The following TNR variants were observed in gnomAD, a reference collection of about 807,000 sequenced individuals.
TNR encodes tenascin R.
Under a neutral mutation model 150.4 loss-of-function variants are expected in TNR, and 45 were observed. The observed-to-expected ratio is 0.30, with a 90% CI of 0.24 to 0.38. TNR has a LOEUF of 0.38. Ranked by LOEUF, TNR falls within the 10% of genes least tolerant of loss-of-function variation. The pLI is 1.00. For synonymous variants in TNR, 687 were observed against 678.4 expected, an observed-to-expected ratio of 1.01 and a Z score of -0.20; for missense variants, 1,544 against 1,759.1, an observed-to-expected ratio of 0.88 and a Z score of 2.19.
chr1:175,478,237 A>C (rs1657634292), intron 2 of TNR, among the ~76,000 whole-genome samples: 1 of 152,242 alleles, frequency 6.6e-6, no homozygotes, highest in African/African-American at 2.4e-5. Context: ...TTTTCAAGTG[A>C]GAAAACTTGC....
chr1:175,536,024 C>T (rs187182861), intron 1 of TNR, among the ~76,000 whole-genome samples: 10 of 152,118 alleles, frequency 6.6e-5, no homozygotes, highest in Admixed American at 3.9e-4. Flanking sequence ...ATTGTTTAAG[C>T]TTATTACTAA....
chr1:175,453,499 G>A (rs1288347833), intron 2 of TNR, among the ~76,000 whole-genome samples: 2 of 152,026 alleles, frequency 1.3e-5, no homozygotes, highest in African/African-American at 2.4e-5. Flanking sequence ...GCCATGATGT[G>A]AGCTTAGGTT....
At chr1:175,541,891 C>T (rs1660513905) in intron 1 of TNR, among the ~76,000 whole-genome samples, 1 of 152,128 alleles carries the variant, frequency 6.6e-6, no homozygotes, top group East Asian at 1.9e-4. Context: ...TATGAAATTG[C>T]CAACGTTTGA....
chr1:175,711,458 G>A (rs137944729), intron 1 of TNR, among the ~76,000 whole-genome samples: 3 of 152,312 alleles, frequency 2.0e-5, no homozygotes, highest in East Asian at 1.9e-4. Flanking sequence ...GATGATAAGA[G>A]GCGTAATAGC....
chr1:175,741,168 C>G (rs1667917301), intron 1 of TNR, among the ~76,000 whole-genome samples: 1 of 152,226 alleles, frequency 6.6e-6, no homozygotes, highest in South Asian at 2.1e-4. Flanking sequence ...GGGAGCAATC[C>G]ATTCCTTCTC....
chr1:175,335,201 C>G (rs896760186), intron 20 of TNR: 1 of 152,682 alleles, frequency 6.5e-6, no homozygotes, highest in Non-Finnish European at 1.5e-5. Context: ...GTTTGGTTCT[C>G]GATCTATATT....
chr1:175,735,993 T>C (rs1469126798), intron 1 of TNR, among the ~76,000 whole-genome samples: 2 of 152,060 alleles, frequency 1.3e-5, no homozygotes, highest in Non-Finnish European at 2.9e-5. Flanking sequence ...AAAATCAAGG[T>C]GATGTAAAAC....
In TNR at chr1:175,525,573, G is replaced by C. The variant is rs538659400; in HGVS notation, c.-64+2696C>G. Among the ~76,000 whole-genome samples the C allele has an allele frequency of 6.6e-5, 10 of 152,338 alleles. No individual in the cohort carries two copies. The East Asian group carries it at 1.9e-3, about 29-fold the overall frequency. On this transcript the variant is annotated intron_variant, in intron 2 of 22. Transcript: ENST00000367674. ...CAAGAGTTCCTGAAATCTGGGGTGA[G>C]TTTTGGACTGGCAGGGCCAGTGCAG...
At chr1:175,476,715 T>G (rs1252197486) in intron 2 of TNR, among the ~76,000 whole-genome samples, 1 of 152,240 alleles carries the variant, frequency 6.6e-6, no homozygotes, top group Non-Finnish European at 1.5e-5. Flanking sequence ...AAAAGCATTA[T>G]CGGGTAATAA....
At chr1:175,618,670 C>G (rs1040637931) in intron 1 of TNR, among the ~76,000 whole-genome samples, 1 of 152,140 alleles carries the variant, frequency 6.6e-6, no homozygotes, top group Non-Finnish European at 1.5e-5. Flanking sequence ...GCCATAGGGC[C>G]GTTGCTTACA....
At chr1:175,476,969 A>G (rs1657571733) in intron 2 of TNR, among the ~76,000 whole-genome samples, 1 of 152,140 alleles carries the variant, frequency 6.6e-6, no homozygotes, top group South Asian at 2.1e-4. Context: ...TCCTCTAACT[A>G]TGTTTTAAGG....
intron 2 of TNR, among the ~76,000 whole-genome samples, chr1:175,493,171 G>T (rs1443379524): frequency 6.6e-6 from 1 of 152,082 alleles, no homozygotes; most frequent in Admixed American, 6.5e-5. Context: ...GCTCAGGGTT[G>T]CACGGAGCCC....
At chr1:175,703,947 T>A (rs1666772372) in intron 1 of TNR, among the ~76,000 whole-genome samples, 1 of 152,182 alleles carries the variant, frequency 6.6e-6, no homozygotes, top group South Asian at 2.1e-4. Context: ...TAATATTAAT[T>A]GGTATTGTAT....
At chr1:175,366,866 C>T (rs574078509) in intron 10 of TNR, among the ~76,000 whole-genome samples, 22 of 152,328 alleles carry the variant, frequency 1.4e-4, no homozygotes, top group Non-Finnish European at 1.5e-5. Flanking sequence ...GGCGAGGATG[C>T]CCCATTCTGC....
chr1:175,490,570 G>C (rs1291763991), intron 2 of TNR, among the ~76,000 whole-genome samples: 5 of 152,186 alleles, frequency 3.3e-5, no homozygotes, highest in Non-Finnish European at 5.9e-5. Flanking sequence ...GACATGAACA[G>C]ACACTTCTCA....
chr1:175,367,095 C>T lies in TNR; in HGVS notation c.2053+113G>A. 10 of 852,364 alleles carry T rather than the reference C, an allele frequency of 1.2e-5. No homozygotes were observed. The South Asian group carries it at 1.6e-4, about 13-fold the overall frequency. 52.8% of individuals were successfully genotyped at this position (852,364 alleles called of 1,614,324 possible). A position where few individuals can be genotyped will look rare whatever the true frequency, so the allele number is the denominator to read the frequency against. On this transcript the variant is annotated intron_variant, in intron 10 of 22. Transcript: ENST00000367674. ...CTAGGCTGACAGTTGTCACCAGAGC[C>T]CTGTTCACTGGAAGACATTGCTTTC...
chr1:175,412,375 C>T (rs373172627), intron 2 of TNR, among the ~76,000 whole-genome samples: 1 of 152,236 alleles, frequency 6.6e-6, no homozygotes, highest in East Asian at 1.9e-4. Context: ...TCCACCAATC[C>T]AAGAGATCTC....
At chr1:175,345,236 C>G (rs1369857411) in intron 18 of TNR, among the ~76,000 whole-genome samples, 1 of 152,142 alleles carries the variant, frequency 6.6e-6, no homozygotes, top group Admixed American at 6.5e-5. Flanking sequence ...TTCATATTGC[C>G]ATGGAGTAAT....
intron 1 of TNR, among the ~76,000 whole-genome samples, chr1:175,637,327 A>C (rs2101878190): frequency 6.6e-6 from 1 of 152,356 alleles, no homozygotes; most frequent in South Asian, 2.1e-4. Flanking sequence ...AGGGATCCAT[A>C]ATAATGAAAG....
Sources: allele counts gnomAD v4.1 joint callset (sites outside exome capture counted in the v4.1 genomes callset), GRCh38; gene constraint gnomAD v4.1.1; transcripts MANE v1.5; gene names NCBI Gene and HGNC (gene_info 2026-07-23, HGNC 2026-07-21).